Variants in TNIK observed in about 807,000 individuals in gnomAD.
TNIK encodes TRAF2 and NCK interacting kinase.
Under a neutral mutation model 191.3 loss-of-function variants are expected in TNIK, and 49 were observed. The observed-to-expected ratio is 0.26, with a 90% CI of 0.20 to 0.32. The LOEUF (loss-of-function observed/expected upper bound fraction) is 0.32. TNIK is among the 10% of genes least tolerant of loss of function. The pLI, the probability that TNIK is intolerant of heterozygous loss-of-function variation, is 1.00. For synonymous variants in TNIK, 594 were observed against 600.9 expected (o/e 0.99, Z 0.17); for missense variants, 1,155 against 1,702.3 (o/e 0.68, Z 5.66).
chr3:171,398,492 G>T (rs1456301343), intron 1 of TNIK, among the ~76,000 whole-genome samples: 1 of 152,296 alleles, frequency 6.6e-6, no homozygotes, highest in East Asian at 1.9e-4. Context: ...TCTCTAAACA[G>T]CTGACAAAGG....
intron 3 of TNIK, among the ~76,000 whole-genome samples, chr3:171,218,721 C>A (rs987285680): frequency 1.3e-4 from 19 of 146,704 alleles, no homozygotes; most frequent in African/African-American, 4.7e-4. Context: ...TTATACTCTA[C>A]ATAGATTTTT....
intron 2 of TNIK, among the ~76,000 whole-genome samples, chr3:171,249,016 C>A (rs1745926561): frequency 6.6e-6 from 1 of 152,178 alleles, no homozygotes; most frequent in African/African-American, 2.4e-5. Context: ...ACTTAAAATG[C>A]AAGTGAAAGT....
At chr3:171,184,711 C>G (rs1181090381) in intron 7 of TNIK, among the ~76,000 whole-genome samples, 1 of 152,196 alleles carries the variant, frequency 6.6e-6, no homozygotes, top group African/African-American at 2.4e-5. Flanking sequence ...GGAAACTCTA[C>G]CACTAGTTAG....
At chr3:171,256,590 C>T (rs989141852) in intron 2 of TNIK, among the ~76,000 whole-genome samples, 12 of 152,156 alleles carry the variant, frequency 7.9e-5, no homozygotes, top group Non-Finnish European at 1.6e-4. Context: ...TACTGTTTTG[C>T]CCTCCAGCCA....
intron 2 of TNIK, among the ~76,000 whole-genome samples, chr3:171,275,875 C>T (rs116504698): frequency 7.9e-5 from 12 of 151,276 alleles, no homozygotes; most frequent in Admixed American, 2.6e-4. Flanking sequence ...CCAAGCTGGG[C>T]GACAGAGCGC....
rs758700782 is a variant in TNIK, at chr3:171,060,019, A to AT, written c.*3861dup. Among the ~76,000 whole-genome samples the AT allele has an allele frequency of 3.3e-5, 5 of 152,134 alleles. No individual in the cohort carries two copies. The highest frequency in any genetic ancestry group is 1.9e-4 in the East Asian group (1 of 5,180). ...AAAATTAAAAGTTTTATCAATAACT[A>AT]TTTTTTTTCTTAAAAATAATGTAGC... is the stretch of plus-strand genomic sequence containing the variant. On this transcript the variant is annotated 3_prime_UTR_variant, in exon 33 of 33. Transcript: ENST00000436636.
chr3:171,145,212 G>T (rs1197515043), intron 12 of TNIK, among the ~76,000 whole-genome samples: 1 of 151,326 alleles, frequency 6.6e-6, no homozygotes, highest in Non-Finnish European at 1.5e-5. Flanking sequence ...TCAGCCTCCC[G>T]AGTAGCTGGG....
intron 30 of TNIK, among the ~76,000 whole-genome samples, chr3:171,067,660 A>G (rs1215328564): frequency 6.7e-6 from 1 of 148,358 alleles, no homozygotes; most frequent in African/African-American, 2.5e-5. Context: ...TGACAGAGCG[A>G]GACTCCGTAT....
intron 1 of TNIK, chr3:171,439,534 A>G (rs1199515702): frequency 6.6e-6 from 1 of 152,168 alleles, no homozygotes. Flanking sequence ...AGTGCTTGAC[A>G]CGTGGCCAGT....
At chr3:171,307,691 A>G (rs1429830713) in intron 2 of TNIK, among the ~76,000 whole-genome samples, 1 of 152,192 alleles carries the variant, frequency 6.6e-6, no homozygotes, top group Non-Finnish European at 1.5e-5. Context: ...AATCAGCACA[A>G]TCATCCCAAA....
At chr3:171,334,826 G>C (rs529658372) in intron 2 of TNIK, among the ~76,000 whole-genome samples, 1 of 151,460 alleles carries the variant, frequency 6.6e-6, no homozygotes, top group East Asian at 1.9e-4. Context: ...AAGGTAGCTT[G>C]TATTAAATTT....
At chr3:171,120,150 T>G (rs893422903) in intron 18 of TNIK, among the ~76,000 whole-genome samples, 16 of 152,100 alleles carry the variant, frequency 1.1e-4, no homozygotes, top group African/African-American at 3.9e-4. Context: ...TACTAAATAG[T>G]TTACTGATTT....
At chr3:171,086,495 A>T (rs1432092433) in intron 24 of TNIK, among the ~76,000 whole-genome samples, 1 of 152,218 alleles carries the variant, frequency 6.6e-6, no homozygotes, top group Non-Finnish European at 1.5e-5. Flanking sequence ...AAATGCCCAC[A>T]CAGCATGAAA....
intron 12 of TNIK, among the ~76,000 whole-genome samples, chr3:171,141,126 C>CCATCAT (rs1359962215): frequency 6.6e-6 from 1 of 152,070 alleles, no homozygotes; most frequent in African/African-American, 2.4e-5. Context: ...TGCTTGGGAG[C>CCATCAT]CATCATCATC....
At chr3:171,342,976 A>G (rs1322730311) in intron 2 of TNIK, among the ~76,000 whole-genome samples, 1 of 152,204 alleles carries the variant, frequency 6.6e-6, no homozygotes, top group Non-Finnish European at 1.5e-5. Context: ...ACCATGTAAG[A>G]CATGCCTTTG....
chr3:171,088,298 G>A (rs906754573), intron 23 of TNIK, among the ~76,000 whole-genome samples: 5 of 150,640 alleles, frequency 3.3e-5, no homozygotes, highest in South Asian at 2.1e-4. Context: ...GCAGTGGCGC[G>A]ATCTTGGCTC....
intron 26 of TNIK, among the ~76,000 whole-genome samples, chr3:171,083,395 C>T (rs985124682): frequency 1.3e-5 from 2 of 152,176 alleles, no homozygotes; most frequent in African/African-American, 4.8e-5. Flanking sequence ...CAAATGCTTT[C>T]AGCCTTTTAA....
At chr3:171,426,915 A>T (rs957359657) in intron 1 of TNIK, among the ~76,000 whole-genome samples, 1 of 152,212 alleles carries the variant, frequency 6.6e-6, no homozygotes, top group African/African-American at 2.4e-5. Context: ...CTAAAAAATG[A>T]TCATAAACAA....
At chr3:171,181,729 T>C (rs1298563191) in intron 7 of TNIK, among the ~76,000 whole-genome samples, 1 of 152,210 alleles carries the variant, frequency 6.6e-6, no homozygotes, top group Non-Finnish European at 1.5e-5. Context: ...AACAGACTAA[T>C]GATGCCAGCA....
Sources: gnomAD v4.1 joint callset for allele counts (sites outside exome capture counted in the v4.1 genomes callset) on GRCh38, gnomAD v4.1.1 for gene constraint, MANE v1.5 for transcripts, NCBI Gene and HGNC (gene_info 2026-07-23, HGNC 2026-07-21) for gene names.